FAM135A: variants seen among roughly 807,000 people sequenced by gnomAD.
The protein encoded by FAM135A is family with sequence similarity 135 member A.
Under a neutral mutation model 146.8 loss-of-function variants are expected in FAM135A, and 79 were observed. The observed-to-expected ratio is 0.54, with a 90% confidence interval of 0.45 to 0.65. The LOEUF (loss-of-function observed/expected upper bound fraction) is 0.65, where lower values mean the gene tolerates loss of function less well. FAM135A is among the 30% of genes least tolerant of loss of function. The pLI, the probability that FAM135A is intolerant of heterozygous loss-of-function variation, is 0.00. For missense variants in FAM135A, 1,623 were observed against 1,758.2 expected (o/e 0.92, Z 1.38); for synonymous variants, 562 against 603.6 (o/e 0.93, Z 1.01).
At chr6:70,457,937 A>G (rs899063070) in intron 5 of FAM135A, among the ~76,000 whole-genome samples, 1 of 152,002 alleles carries the variant, frequency 6.6e-6, no homozygotes, top group Non-Finnish European at 1.5e-5. Flanking sequence ...CTAGGTTCTG[A>G]TACGATCAGT....
intron 1 of FAM135A, among the ~76,000 whole-genome samples, chr6:70,414,707 G>A (rs968830043): frequency 5.9e-5 from 9 of 152,126 alleles, no homozygotes; most frequent in African/African-American, 2.2e-4. Flanking sequence ...ACCGGTTGGT[G>A]GAAGTATCAT....
intron 20 of FAM135A, 23 bp downstream of exon 20, chr6:70,538,424 G>T (rs1335076628): frequency 1.5e-6 from 2 of 1,310,958 alleles, no homozygotes; most frequent in South Asian, 2.1e-5. Context: ...TAACAGTTTG[G>T]AAAATATACA....
chr6:70,450,540 G>A (rs1582197464), intron 4 of FAM135A, among the ~76,000 whole-genome samples: 1 of 151,886 alleles, frequency 6.6e-6, no homozygotes, highest in East Asian at 1.9e-4. Flanking sequence ...TCTTCATTGT[G>A]TGTTCTTGGC....
intron 12 of FAM135A, among the ~76,000 whole-genome samples, chr6:70,520,537 T>C (rs1463670109): frequency 2.6e-5 from 4 of 152,208 alleles, no homozygotes; most frequent in South Asian, 2.1e-4. Flanking sequence ...CAAATACTTA[T>C]TTTGAATGCT....
chr6:70,464,770 G>A (rs73476890), intron 5 of FAM135A, among the ~76,000 whole-genome samples: 6,018 of 140,490 alleles, frequency 0.043, 287 homozygotes, highest in African/African-American at 0.11. Flanking sequence ...CAGTTCAAGC[G>A]ATTCGCCCAT....
intron 4 of FAM135A, among the ~76,000 whole-genome samples, chr6:70,431,133 T>C (rs987547517): frequency 5.9e-5 from 9 of 152,182 alleles, no homozygotes; most frequent in Admixed American, 4.6e-4. Flanking sequence ...ATGCCACTTA[T>C]TTTAAGTTTT....
chr6:70,485,289 T>C (rs1269636431), intron 10 of FAM135A, among the ~76,000 whole-genome samples: 3 of 152,164 alleles, frequency 2.0e-5, no homozygotes, highest in African/African-American at 7.2e-5. Flanking sequence ...TCAGTAAATA[T>C]TGGTAATATA....
At chr6:70,501,094 C>A (rs1416215553) in intron 11 of FAM135A, among the ~76,000 whole-genome samples, 1 of 152,204 alleles carries the variant, frequency 6.6e-6, no homozygotes, top group Non-Finnish European at 1.5e-5. Flanking sequence ...GAAGCTGCAC[C>A]CACAGCTGCC....
intron 16 of FAM135A, 73 bp from the exon 17 acceptor site, chr6:70,533,086 GT>G: frequency 1.7e-6 from 2 of 1,211,100 alleles, no homozygotes; most frequent in South Asian, 2.6e-5. Context: ...TCTAAAAACT[GT>G]AAAAATATGT....
intron 12 of FAM135A, among the ~76,000 whole-genome samples, chr6:70,519,728 A>G (rs973808630): frequency 2.0e-5 from 3 of 151,934 alleles, no homozygotes; most frequent in South Asian, 2.1e-4. Flanking sequence ...GTATAATGCT[A>G]TTGCACACTT....
At chr6:70,533,081 A>C (rs1424220118) in intron 16 of FAM135A, 79 bp from the exon 17 acceptor site, 38 of 1,168,412 alleles carry the variant, frequency 3.3e-5, no homozygotes, top group Non-Finnish European at 4.5e-5. Context: ...TTGTCTCTAA[A>C]AACTGTAAAA....
chr6:70,481,259 C>T (rs1182744021), intron 9 of FAM135A, among the ~76,000 whole-genome samples: 1 of 152,130 alleles, frequency 6.6e-6, no homozygotes, highest in African/African-American at 2.4e-5. Context: ...ACAGCCTGTG[C>T]CCTTTAACTT....
At chr6:70,549,069 G>A (rs1215763398) in intron 20 of FAM135A, among the ~76,000 whole-genome samples, 1 of 152,112 alleles carries the variant, frequency 6.6e-6, no homozygotes, top group East Asian at 1.9e-4. Flanking sequence ...GTGGTGGAAG[G>A]AGAAATTTTA....
intron 4 of FAM135A, among the ~76,000 whole-genome samples, chr6:70,442,130 A>G (rs919678156): frequency 1.2e-4 from 18 of 151,936 alleles, no homozygotes; most frequent in Non-Finnish European, 1.9e-4. Flanking sequence ...AGTAATGTAG[A>G]TCATTACTTA....
In FAM135A at chr6:70,528,305, AAAG is replaced by A; in HGVS notation, c.3634_3636del (p.Glu1212del). 1.2e-6 allele frequency: 2 copies of A among 1,609,232 alleles called. No homozygotes were observed. The highest frequency in any genetic ancestry group is 1.7e-6 in the Non-Finnish European group (2 of 1,178,470). On this transcript the variant is annotated inframe_deletion, in exon 16 of 22. Coordinates refer to ENST00000418814, the MANE Select transcript of FAM135A (RefSeq NM_001162529.3). ...ATTTTGCTTCAGCTTCCTTCAGGCA[AAAG>A]AAGAACTGAAGCTACTAAAACTTCC...
chr6:70,525,621 A>T lies in FAM135A; in HGVS notation c.2537A>T (p.Asp846Val). 1 of 1,613,508 alleles carries T rather than the reference A, an allele frequency of 6.2e-7. No homozygotes were observed. The highest frequency in any genetic ancestry group is 8.5e-7 in the Non-Finnish European group (1 of 1,179,646). The change falls in exon 15 of 22, where the codon GAT (aspartate) becomes GTT (valine). Residue 846 changes from aspartate (D) to valine (V), a missense_variant. Physicochemically the swap from Asp to Val is radical, Grantham distance 152. Around this residue, in one of 7 missense-constraint regions of FAM135A, gnomAD observed 1,061 missense variants for 1,113.8 expected, o/e 0.95. Coordinates refer to ENST00000418814, the MANE Select transcript of FAM135A (RefSeq NM_001162529.3). ...SLTSINSLPSDDELSPDENSK... is the reference protein window; with the variant it reads ...SLTSINSLPSVDELSPDENSK... The stretch of plus-strand genomic sequence containing the variant: ...ACATCCATAAACTCTCTACCCTCCG[A>T]TGATGAACTGTCACCTGATGAAAAT...
intron 8 of FAM135A, among the ~76,000 whole-genome samples, chr6:70,479,173 G>A (rs1783218412): frequency 6.6e-6 from 1 of 152,114 alleles, no homozygotes; most frequent in Non-Finnish European, 1.5e-5. Context: ...ACAATTCATA[G>A]GAGGTTAGCT....
rs1782758364 is a variant in FAM135A at position 70,477,105 on chromosome 6, T to C, written c.369-54T>C. The C allele has an allele frequency of 5.9e-6, 9 of 1,520,882 alleles. No homozygotes were observed. In the South Asian group the frequency reaches 1.0e-4, roughly 17 times the overall value. 94.2% of individuals were successfully genotyped at this position (1,520,882 alleles called of 1,614,324 possible). ...TTATAGTTTCAACTACTTTATAATA[T>C]ATTGGCGTTTACTAAATGTTTCATA... On this transcript the variant is annotated intron_variant, in intron 7 of 21. Transcript: ENST00000418814.
intron 5 of FAM135A, among the ~76,000 whole-genome samples, chr6:70,461,195 A>G (rs1779378516): frequency 6.6e-5 from 10 of 152,202 alleles, no homozygotes; most frequent in Admixed American, 6.5e-4. Context: ...AGTTAACAAA[A>G]TAGTGACTTG....
Sources: gnomAD v4.1 joint callset for allele counts (sites outside exome capture counted in the v4.1 genomes callset) on GRCh38, gnomAD v4.1.1 for gene constraint, gnomAD v4.1.1 regional missense constraint, MANE v1.5 for transcripts, NCBI Gene and HGNC (gene_info 2026-07-23, HGNC 2026-07-21) for gene names.